Variants in CD247 observed in about 807,000 individuals in gnomAD.
CD247 encodes T-cell surface glycoprotein CD3 zeta chain.
CD247 carries 13 observed loss-of-function variants against 30.0 expected under a neutral mutation model. The ratio of observed to expected loss-of-function variants is 0.43; its 90% confidence interval spans 0.28 to 0.69. The LOEUF is 0.69. Among genes scored for constraint, CD247 ranks in the 30% least tolerant of loss-of-function variants. CD247 has a pLI of 0.16. For missense variants in CD247, 193 were observed against 212.6 expected, an observed-to-expected ratio of 0.91 and a Z score of 0.57; for synonymous variants, 72 against 80.0, an observed-to-expected ratio of 0.90 and a Z score of 0.53.
intron 7 of CD247, among the ~76,000 whole-genome samples, chr1:167,432,703 A>G (rs551408777): frequency 2.0e-5 from 3 of 152,256 alleles, no homozygotes; most frequent in Non-Finnish European, 4.4e-5. Flanking sequence ...CCAAAGAGGC[A>G]GGATAATCAC....
chr1:167,483,366 C>T (rs1416452647), intron 1 of CD247, among the ~76,000 whole-genome samples: 1 of 152,146 alleles, frequency 6.6e-6, no homozygotes, highest in African/African-American at 2.4e-5. Flanking sequence ...TGAAGAAAAT[C>T]AGGGCTCTTC....
At chr1:167,497,080 C>G (rs1338840868) in intron 1 of CD247, among the ~76,000 whole-genome samples, 1 of 152,184 alleles carries the variant, frequency 6.6e-6, no homozygotes, top group Admixed American at 6.5e-5. Context: ...ATGAAGCCAT[C>G]TAAATGTCTG....
At chr1:167,482,196 G>A (rs908569755) in intron 1 of CD247, among the ~76,000 whole-genome samples, 23 of 152,172 alleles carry the variant, frequency 1.5e-4, no homozygotes, top group African/African-American at 4.8e-4. Context: ...CACCCGACTG[G>A]AGACAACGCC....
At chr1:167,455,657 A>T (rs1448269264) in intron 1 of CD247, among the ~76,000 whole-genome samples, 1 of 152,054 alleles carries the variant, frequency 6.6e-6, no homozygotes, top group Non-Finnish European at 1.5e-5. Context: ...TGAGCTGCTC[A>T]CACGCTGCCG....
chr1:167,504,887 A>C (rs1316903459), intron 1 of CD247, among the ~76,000 whole-genome samples: 1 of 152,242 alleles, frequency 6.6e-6, no homozygotes, highest in Non-Finnish European at 1.5e-5. Flanking sequence ...AAATCTGGGC[A>C]CGTCTCTATT....
At chr1:167,485,944 G>A (rs1321630520) in intron 1 of CD247, among the ~76,000 whole-genome samples, 1 of 152,088 alleles carries the variant, frequency 6.6e-6, no homozygotes, top group East Asian at 1.9e-4. Context: ...GAAAGAAAAC[G>A]ACTGGAGGCT....
At chr1:167,440,355 C>CTGAG in intron 2 of CD247, 4 of 433,604 alleles carry the variant, frequency 9.2e-6, no homozygotes, top group South Asian at 8.9e-5. Flanking sequence ...GGACCTCTGC[C>CTGAG]TGAGTGTAAG....
chr1:167,437,201 G>A (rs995889445), intron 4 of CD247, among the ~76,000 whole-genome samples: 1 of 151,962 alleles, frequency 6.6e-6, no homozygotes, highest in Non-Finnish European at 1.5e-5. Context: ...TCGAAAGTTC[G>A]AGACCAGCCT....
At chr1:167,461,339 G>C (rs1054696551) in intron 1 of CD247, among the ~76,000 whole-genome samples, 3 of 152,232 alleles carry the variant, frequency 2.0e-5, no homozygotes, top group African/African-American at 7.2e-5. Flanking sequence ...CAGCACTCTA[G>C]AGCTATTTCT....
intron 1 of CD247, among the ~76,000 whole-genome samples, chr1:167,467,716 T>C (rs1407613705): frequency 6.6e-6 from 1 of 152,194 alleles, no homozygotes; most frequent in Non-Finnish European, 1.5e-5. Flanking sequence ...TCCCCTGTCA[T>C]GCTCTCCCCA....
At chr1:167,469,889 A>G (rs1653429274) in intron 1 of CD247, among the ~76,000 whole-genome samples, 2 of 148,328 alleles carry the variant, frequency 1.3e-5, no homozygotes, top group African/African-American at 2.5e-5. Flanking sequence ...GATTTCATCT[A>G]TTCATTCTCG....
At chr1:167,461,189 T>A (rs1363589484) in intron 1 of CD247, among the ~76,000 whole-genome samples, 1 of 152,218 alleles carries the variant, frequency 6.6e-6, no homozygotes, top group Non-Finnish European at 1.5e-5. Context: ...CCTTGCGGCT[T>A]CCAAACTCAG....
At chr1:167,474,853 A>G (rs541547148) in intron 1 of CD247, among the ~76,000 whole-genome samples, 2 of 150,678 alleles carry the variant, frequency 1.3e-5, no homozygotes, top group Non-Finnish European at 3.0e-5. Context: ...CCCGAGTTCA[A>G]GCGATTCTCC....
At chr1:167,478,939 A>T (rs1653859900) in intron 1 of CD247, among the ~76,000 whole-genome samples, 1 of 152,250 alleles carries the variant, frequency 6.6e-6, no homozygotes, top group Non-Finnish European at 1.5e-5. Flanking sequence ...CAGTTGGATT[A>T]TGAGTGATTT....
intron 1 of CD247, among the ~76,000 whole-genome samples, chr1:167,462,598 G>A (rs558466401): frequency 1.3e-5 from 2 of 152,362 alleles, no homozygotes; most frequent in African/African-American, 4.8e-5. Flanking sequence ...AGAAAAGGAG[G>A]AGAACTGTTC....
intron 1 of CD247, among the ~76,000 whole-genome samples, chr1:167,472,473 C>T (rs1255357482): frequency 5.3e-5 from 8 of 152,008 alleles, no homozygotes; most frequent in Admixed American, 3.9e-4. Context: ...TGTGCACATG[C>T]GGGAAAGCAA....
intron 1 of CD247, among the ~76,000 whole-genome samples, chr1:167,453,010 C>CATAT (rs1553230625): frequency 2.1e-5 from 1 of 48,348 alleles, no homozygotes; most frequent in African/African-American, 4.8e-5. Flanking sequence ...TGTGTGTGTG[C>CATAT]ATATATATAT....
chr1:167,516,410 T>C (rs1454845385), intron 1 of CD247, among the ~76,000 whole-genome samples: 1 of 152,246 alleles, frequency 6.6e-6, no homozygotes, highest in Non-Finnish European at 1.5e-5. Flanking sequence ...TCTGGGCATT[T>C]CCAAAGAAAT....
Position 167,514,239 on chromosome 1 carries a change from G to C in CD247, c.58+4169C>G, listed in dbSNP as rs367593466. ...GCAACCTCCGCCTCCCGGGTTCAAG[G>C]GATTCTCCTGCCTCAGCCTCCCAAG... On this transcript the variant is annotated intron_variant, in intron 1 of 7. Transcript: ENST00000362089. 8.6e-4 allele frequency among the ~76,000 whole-genome samples: 131 copies of C among 151,978 alleles called. 1 individual carries two copies. The highest frequency in any genetic ancestry group is 3.0e-3 in the African/African-American group (125 of 41,440).
Sources: gnomAD v4.1 joint callset for allele counts (sites outside exome capture counted in the v4.1 genomes callset) on GRCh38, gnomAD v4.1.1 for gene constraint, MANE v1.5 for transcripts, NCBI Gene and HGNC (gene_info 2026-07-23, HGNC 2026-07-21) for gene names.